ZNF208: variants seen among roughly 807,000 people sequenced by gnomAD.
ZNF208 encodes zinc finger protein 95.
ZNF208 carries 10 observed loss-of-function variants against 12.1 expected under a neutral mutation model. That is an observed-to-expected ratio of 0.83 (90% confidence interval 0.51 to 1.40). The LOEUF (loss-of-function observed/expected upper bound fraction) is 1.40. Among genes scored for constraint, ZNF208 ranks in the 40% most tolerant of loss-of-function variants. The pLI is 0.00. For missense variants in ZNF208, 1,652 were observed against 1,485.0 expected, an observed-to-expected ratio of 1.11 and a Z score of -1.85; for synonymous variants, 497 against 488.4, an observed-to-expected ratio of 1.02 and a Z score of -0.23.
chr19:21,958,308 C>A (rs200742075), intron 4 of ZNF208, among the ~76,000 whole-genome samples: 330 of 152,234 alleles, frequency 2.2e-3, no homozygotes, highest in Non-Finnish European at 3.7e-3. Context: ...TGTAAGCCAA[C>A]CAGCAATCTC....
In ZNF208 at chr19:21,973,161, T is replaced by G. The variant is rs1970342328; in HGVS notation, c.1873A>C (p.Thr625Pro). Reference sequence around the variant, plus strand: ...CCAGCATGAATTGCCTTATGTGTAGTAAGGGTTGAGACCTTACTAAAGGTT... The same window carrying G: ...CCAGCATGAATTGCCTTATGTGTAGGAAGGGTTGAGACCTTACTAAAGGTT... Reference protein sequence around the residue: ...GKTFSKVSTLTTHKAIHAGEK... With the variant: ...GKTFSKVSTLPTHKAIHAGEK... The change falls in exon 4 of 4, where the codon ACT becomes CCT. Residue 625 changes from threonine to proline, a missense_variant. Around this residue, in one of 3 missense-constraint regions of ZNF208, gnomAD observed 1,239 missense variants for 1,086.2 expected, o/e 1.14. Transcript: ENST00000397126. 2 of 1,613,622 alleles carry G rather than the reference T, an allele frequency of 1.2e-6. No individual in the cohort carries two copies. The highest frequency in any genetic ancestry group is 4.5e-5 in the East Asian group (2 of 44,794).
intron 3 of ZNF208, among the ~76,000 whole-genome samples, chr19:21,980,787 T>G (rs190498278): frequency 1.1e-4 from 16 of 152,164 alleles, no homozygotes; most frequent in Non-Finnish European, 4.4e-5. Flanking sequence ...GCTGGTTTTT[T>G]GAAAAGATTA....
chr19:21,946,739 T>G (rs1969819996), intron 4 of ZNF208, among the ~76,000 whole-genome samples: 1 of 152,162 alleles, frequency 6.6e-6, no homozygotes, highest in South Asian at 2.1e-4. Context: ...AGTTTTTGTC[T>G]CTTAGAGACA....
chr19:21,972,700 T>C lies in ZNF208; in HGVS notation c.2334A>G (p.Lys778=), dbSNP rs1181489188. 6.3e-7 allele frequency: 1 copy of C among 1,591,764 alleles called. No individual in the cohort carries two copies. Among genetic ancestry groups the C allele is most frequent in the Non-Finnish European group, 8.6e-7 (1 of 1,167,144 alleles). ...KKIHTVEKPY[K]CEECGKAFNR... ...TAAAAGCTTTGCCACATTCTTCACATTTGTAGGGTTTCTCTACAGTATGAA... is the reference window on the plus strand; with the variant it reads ...TAAAAGCTTTGCCACATTCTTCACACTTGTAGGGTTTCTCTACAGTATGAA... The change falls in exon 4 of 4, where the codon AAA becomes AAG. Residue 778 remains lysine, a synonymous_variant. Transcript: ENST00000397126.
In ZNF208 at chr19:21,974,258, C is replaced by T. The variant is rs370092352; in HGVS notation, c.776G>A (p.Cys259Tyr). 8.7e-6 allele frequency: 14 copies of T among 1,613,044 alleles called. No individual in the cohort carries two copies. The highest frequency in any genetic ancestry group is 1.7e-5 in the Admixed American group (1 of 59,870). The change falls in exon 4 of 4, where the codon TGT (cysteine) becomes TAT (tyrosine). Residue 259 changes from cysteine (C) to tyrosine (Y), a missense_variant. Physicochemically the swap from Cys to Tyr is radical, Grantham distance 194. Around this residue, in one of 3 missense-constraint regions of ZNF208, gnomAD observed 410 missense variants for 378.2 expected, o/e 1.08. Coordinates refer to ENST00000397126, the MANE Select transcript of ZNF208 (RefSeq NM_007153.3). Reference protein sequence around the residue: ...VIHTGEKSYKCEECGKAFNQS... With the variant: ...VIHTGEKSYKYEECGKAFNQS... ...GTTAAAAGCCTTGCCACATTCTTCA[C>T]ATTTGTAGGATTTCTCTCCAGTATG...
At chr19:21,952,961 G>A (rs2666442) in intron 4 of ZNF208, among the ~76,000 whole-genome samples, 84,767 of 152,016 alleles carry the variant, frequency 0.56, 23,898 homozygotes, top group East Asian at 0.69. Flanking sequence ...AAACAGTGAA[G>A]AGAAGACCTT....
Position 21,967,873 on chromosome 19 carries a change from T to C in ZNF208, c.*3318A>G, listed in dbSNP as rs1189583248. 1.3e-5 allele frequency: 2 copies of C among 152,194 alleles called. No homozygotes were observed. 9.4% of individuals were successfully genotyped at this position (152,194 alleles called of 1,614,324 possible). ...ATTTTAATTATATTATTTGAATCCA[T>C]GAGCAATATTTTTCCATTTATTTGC... On this transcript the variant is annotated 3_prime_UTR_variant, in exon 4 of 4. Transcript: ENST00000397126.
chr19:22,009,913 C>T (rs1410563445), intron 1 of ZNF208, among the ~76,000 whole-genome samples: 4 of 152,230 alleles, frequency 2.6e-5, no homozygotes, highest in Admixed American at 1.3e-4. Context: ...AGGCCGGGCG[C>T]GGTGGCTTAC....
intron 3 of ZNF208, among the ~76,000 whole-genome samples, chr19:21,976,058 G>A (rs144646010): frequency 0.012 from 1,885 of 152,026 alleles, 31 homozygotes; most frequent in African/African-American, 0.042. Context: ...TTATTTTCTA[G>A]GAAAGACATG....
At position 21,967,493 on chromosome 19, in the gene ZNF208, C is replaced by T. The variant is rs1385955507; in HGVS notation, c.*3698G>A. ...CTCCACCTCCCAGGCTCAAATGGTT[C>T]TCTTTCCTCAGCCTCCCAAGTAGCT... On this transcript the variant is annotated 3_prime_UTR_variant, in exon 4 of 4. Transcript: ENST00000397126. 6.6e-6 allele frequency: 1 copy of T among 152,162 alleles called. No individual in the cohort carries two copies. The highest frequency in any genetic ancestry group is 6.6e-5 in the Admixed American group (1 of 15,250). The allele number at this position is 152,162 out of a possible 1,614,324, so 9.4% of individuals were successfully genotyped here. A position where few individuals can be genotyped will look rare whatever the true frequency, so the allele number is the denominator to read the frequency against.
intron 4 of ZNF208, among the ~76,000 whole-genome samples, chr19:21,945,201 C>T (rs1300433696): frequency 6.6e-6 from 1 of 152,128 alleles, no homozygotes; most frequent in Admixed American, 6.5e-5. Context: ...TTATATAAGA[C>T]TCCCATAAAA....
At position 21,971,402 on chromosome 19, in the gene ZNF208, G is replaced by A. The variant is rs763724211; in HGVS notation, c.3632C>T (p.Thr1211Ile). Residue 1211 changes from threonine (T) to isoleucine (I), a missense_variant, in exon 4 of 4, where the codon ACC becomes ATC. Physicochemically the swap from Thr to Ile is moderately conservative, Grantham distance 89 (BLOSUM62 -1). This residue lies in a region of ZNF208 where 1,239 missense variants were observed against 1,086.2 expected (regional missense o/e 1.14). Transcript: ENST00000397126. Reference protein sequence around the residue: ...ECGKAYKWPSTLRYHKKIHTG... With the variant: ...ECGKAYKWPSILRYHKKIHTG... The stretch of plus-strand genomic sequence containing the variant: ...ATGAATTTTCTTGTGATATCTAAGG[G>A]TTGAGGGCCACTTATAGGCTTTGCC... 1.2e-6 allele frequency: 2 copies of A among 1,603,446 alleles called. No homozygotes were observed. Among genetic ancestry groups the A allele is most frequent in the Non-Finnish European group, 1.7e-6 (2 of 1,177,484 alleles).
At chr19:21,955,734 CT>C (rs1969963505) in intron 4 of ZNF208, among the ~76,000 whole-genome samples, 1 of 152,142 alleles carries the variant, frequency 6.6e-6, no homozygotes, top group Non-Finnish European at 1.5e-5. Context: ...TTTGTCTAAT[CT>C]TTTTTCAAGG....
At chr19:22,010,512 A>C (rs1412338346) in intron 1 of ZNF208, among the ~76,000 whole-genome samples, 2 of 152,188 alleles carry the variant, frequency 1.3e-5, no homozygotes, top group Non-Finnish European at 2.9e-5. Flanking sequence ...TGGTCCCTGC[A>C]CATCTGGGAG....
At chr19:21,997,094 C>T (rs1970850374) in intron 1 of ZNF208, among the ~76,000 whole-genome samples, 1 of 152,186 alleles carries the variant, frequency 6.6e-6, no homozygotes, top group South Asian at 2.1e-4. Context: ...TTTTCTTCAG[C>T]CCCAGAGGAA....
chr19:21,988,998 C>A lies in ZNF208; in HGVS notation c.4-89G>T. 5 of 1,517,458 alleles carry A rather than the reference C, an allele frequency of 3.3e-6. No homozygotes were observed. The East Asian group carries it at 1.1e-4, about 35-fold the overall frequency. 94.0% of individuals were successfully genotyped at this position (1,517,458 alleles called of 1,614,324 possible). On this transcript the variant is annotated intron_variant, in intron 1 of 3. Transcript: ENST00000397126. ...GGTAAAATGCAGAGAGTAAAGAGAG[C>A]TGGTTCTGACTTATAAGCATGACTG...
At chr19:21,994,511 A>G (rs1410788570) in intron 1 of ZNF208, among the ~76,000 whole-genome samples, 2 of 152,040 alleles carry the variant, frequency 1.3e-5, no homozygotes, top group African/African-American at 4.8e-5. Flanking sequence ...GAGCCGATGT[A>G]CAATTCTGTT....
intron 1 of ZNF208, among the ~76,000 whole-genome samples, chr19:21,995,439 GGA>G (rs763150332): frequency 2.6e-5 from 4 of 152,070 alleles, no homozygotes; most frequent in Non-Finnish European, 2.9e-5. Context: ...TCTCACACTG[GGA>G]CAGAAGCAGA....
At chr19:21,981,248 C>A (rs1970532337) in intron 3 of ZNF208, among the ~76,000 whole-genome samples, 1 of 151,986 alleles carries the variant, frequency 6.6e-6, no homozygotes, top group Admixed American at 6.6e-5. Context: ...CTGGCAGAGA[C>A]ACAACAAAAA....
Sources: gnomAD v4.1 joint callset for allele counts (sites outside exome capture counted in the v4.1 genomes callset) on GRCh38, gnomAD v4.1.1 for gene constraint, gnomAD v4.1.1 regional missense constraint, MANE v1.5 for transcripts, NCBI Gene and HGNC (gene_info 2026-07-23, HGNC 2026-07-21) for gene names.